The following NAALADL2 variants were observed in gnomAD, a reference collection of about 807,000 sequenced individuals.
The protein encoded by NAALADL2 is inactive N-acetylated-alpha-linked acidic dipeptidase-like protein 2.
Under a neutral mutation model 87.2 loss-of-function variants are expected in NAALADL2, and 76 were observed. The ratio of observed to expected loss-of-function variants is 0.87; its 90% confidence interval spans 0.72 to 1.05. The LOEUF is 1.05. Ranked by LOEUF, NAALADL2 falls within the 50% of genes least tolerant of loss-of-function variation. NAALADL2 has a pLI of 0.00. For synonymous variants in NAALADL2, 354 were observed against 331.0 expected (o/e 1.07, Z -0.75); for missense variants, 1,089 against 945.8 (o/e 1.15, Z -1.99).
At chr3:175,295,051 T>C (rs1756138411) in intron 4 of NAALADL2, among the ~76,000 whole-genome samples, 1 of 152,152 alleles carries the variant, frequency 6.6e-6, no homozygotes, top group African/African-American at 2.4e-5. Flanking sequence ...AGGGTTACTG[T>C]GAGAATTGCA....
chr3:174,575,587 C>T (rs539023193), intron 2 of NAALADL2, among the ~76,000 whole-genome samples: 2 of 152,122 alleles, frequency 1.3e-5, no homozygotes, highest in African/African-American at 4.8e-5. Flanking sequence ...GTAACAGTGG[C>T]CAGAAACTAT....
intron 1 of NAALADL2, among the ~76,000 whole-genome samples, chr3:174,927,345 G>T (rs1371334394): frequency 6.6e-6 from 1 of 152,134 alleles, no homozygotes; most frequent in African/African-American, 2.4e-5. Flanking sequence ...ACTCAGCTCT[G>T]CACCAAGCAG....
intron 1 of NAALADL2, among the ~76,000 whole-genome samples, chr3:174,947,267 T>C (rs966672159): frequency 2.6e-5 from 4 of 152,106 alleles, no homozygotes; most frequent in African/African-American, 9.7e-5. Flanking sequence ...GGTTTTTTTG[T>C]TTGTTTGTTT....
chr3:174,650,557 T>G (rs1000368246), intron 2 of NAALADL2, among the ~76,000 whole-genome samples: 2 of 152,160 alleles, frequency 1.3e-5, no homozygotes, highest in African/African-American at 4.8e-5. Flanking sequence ...TTTAAAGATA[T>G]GGAATTCATC....
chr3:175,148,237 T>TGTTTTAAACATTTTGTTGTC (rs1731062528), intron 2 of NAALADL2, among the ~76,000 whole-genome samples: 1 of 151,684 alleles, frequency 6.6e-6, no homozygotes, highest in Non-Finnish European at 1.5e-5. Context: ...TGTTGTCTGC[T>TGTTTTAAACATTTTGTTGTC]TGTATGTCTT....
chr3:175,504,021 T>G (rs1024866187), intron 9 of NAALADL2, among the ~76,000 whole-genome samples: 1 of 152,228 alleles, frequency 6.6e-6, no homozygotes, highest in African/African-American at 2.4e-5. Flanking sequence ...ATGTTCAGAA[T>G]GATATTTCCT....
chr3:175,486,174 G>T (rs927919061), intron 9 of NAALADL2, among the ~76,000 whole-genome samples: 3 of 152,126 alleles, frequency 2.0e-5, no homozygotes, highest in Non-Finnish European at 4.4e-5. Context: ...TTTAAATATT[G>T]CAAAACATAT....
chr3:175,793,873 C>T (rs1262187711), intron 13 of NAALADL2, among the ~76,000 whole-genome samples: 2 of 152,066 alleles, frequency 1.3e-5, no homozygotes, highest in Non-Finnish European at 2.9e-5. Flanking sequence ...GTAGAATAAG[C>T]GGAAAAACAT....
chr3:174,834,122 G>A (rs1480239613), intron 3 of NAALADL2, among the ~76,000 whole-genome samples: 5 of 148,330 alleles, frequency 3.4e-5, no homozygotes, highest in Non-Finnish European at 5.9e-5. Flanking sequence ...TTAAAAGCAG[G>A]ATTTATTCCC....
chr3:175,023,565 G>C (rs997911287), intron 1 of NAALADL2, among the ~76,000 whole-genome samples: 5 of 151,906 alleles, frequency 3.3e-5, no homozygotes, highest in African/African-American at 1.2e-4. Context: ...TCATGGTTTC[G>C]AGGGGCTATG....
intron 13 of NAALADL2, among the ~76,000 whole-genome samples, chr3:175,761,805 G>A (rs1210622986): frequency 6.6e-6 from 1 of 152,126 alleles, no homozygotes; most frequent in Non-Finnish European, 1.5e-5. Context: ...TTTATTTGAT[G>A]TGATATCTGT....
At chr3:174,587,281 C>A (rs532034523) in intron 2 of NAALADL2, among the ~76,000 whole-genome samples, 1 of 152,188 alleles carries the variant, frequency 6.6e-6, no homozygotes, top group South Asian at 2.1e-4. Context: ...GTGAATAGTG[C>A]TGCAATAAAC....
At chr3:174,784,292 C>T (rs1716343710) in intron 3 of NAALADL2, among the ~76,000 whole-genome samples, 1 of 152,136 alleles carries the variant, frequency 6.6e-6, no homozygotes, top group Admixed American at 6.6e-5. Flanking sequence ...TATGCATATG[C>T]AGCTTTGATG....
intron 3 of NAALADL2, among the ~76,000 whole-genome samples, chr3:174,785,909 G>A (rs1054659207): frequency 6.6e-6 from 1 of 152,082 alleles, no homozygotes; most frequent in Non-Finnish European, 1.5e-5. Flanking sequence ...TGTGTTTTCA[G>A]TAGATTAGAG....
At chr3:174,752,151 A>G (rs1734897986) in intron 3 of NAALADL2, among the ~76,000 whole-genome samples, 1 of 151,320 alleles carries the variant, frequency 6.6e-6, no homozygotes, top group Non-Finnish European at 1.5e-5. Context: ...CTATTTTTGT[A>G]TTTTCAGTAG....
intron 3 of NAALADL2, among the ~76,000 whole-genome samples, chr3:174,797,054 T>C (rs949988951): frequency 3.3e-5 from 5 of 152,110 alleles, no homozygotes; most frequent in African/African-American, 1.2e-4. Flanking sequence ...AGAAGAGTTC[T>C]TCATAGATTT....
At chr3:175,266,937 C>T (rs982000953) in intron 4 of NAALADL2, among the ~76,000 whole-genome samples, 2 of 151,558 alleles carry the variant, frequency 1.3e-5, no homozygotes, top group Admixed American at 6.6e-5. Context: ...AATTTTGATA[C>T]TTTGCTTTGT....
rs10589968 is a variant in NAALADL2 at position 174,815,830 on chromosome 3, GTTTTTTT to G, written c.-9+78105_-9+78111del. The stretch of plus-strand genomic sequence containing the variant: ...CTGAAAGCAGCTAAATTTGACTTTA[GTTTTTTT>G]TTTTTTTTTTTTTTTTTTTTAAGTT... On this transcript the variant is annotated intron_variant, in intron 3 of 3. Transcript: ENST00000434257. Among the ~76,000 whole-genome samples, 373 of 115,194 alleles carry G rather than the reference GTTTTTTT, an allele frequency of 3.2e-3. 4 individuals are homozygous for G. The highest frequency in any genetic ancestry group is 0.01 in the African/African-American group (356 of 34,594). 75.6% of individuals were successfully genotyped at this position (115,194 alleles called of 152,430 possible).
intron 1 of NAALADL2, among the ~76,000 whole-genome samples, chr3:174,898,390 A>G (rs1488722784): frequency 6.6e-6 from 1 of 151,412 alleles, no homozygotes; most frequent in Non-Finnish European, 1.5e-5. Flanking sequence ...GATAAGTAAT[A>G]ATAAATAAAT....
Sources: gnomAD v4.1 joint callset for allele counts (sites outside exome capture counted in the v4.1 genomes callset) on GRCh38, gnomAD v4.1.1 for gene constraint, MANE v1.5 for transcripts, NCBI Gene and HGNC (gene_info 2026-07-23, HGNC 2026-07-21) for gene names.